Variants in SAMD5 observed in about 807,000 individuals in gnomAD.
SAMD5 encodes sterile alpha motif domain-containing protein 5.
A neutral mutation model predicts 11.3 loss-of-function variants in SAMD5; 13 were observed. The ratio of observed to expected loss-of-function variants is 1.15; its 90% confidence interval spans 0.75 to 1.83. SAMD5 has a LOEUF of 1.83. Among genes scored for constraint, SAMD5 ranks in the 40% most tolerant of loss-of-function variants. The pLI, the probability that SAMD5 is intolerant of heterozygous loss-of-function variation, is 0.00. For missense variants in SAMD5, 255 were observed against 239.1 expected, an observed-to-expected ratio of 1.07 and a Z score of -0.44; for synonymous variants, 129 against 111.3, an observed-to-expected ratio of 1.16 and a Z score of -1.00.
At chr6:147,748,059 A>G in the SAMD5 span, among the ~76,000 whole-genome samples, 6 of 152,308 alleles carry the variant, frequency 3.9e-5, no homozygotes, top group South Asian at 1.2e-3. Context: ...CATCAAGCCA[A>G]AGTTTCTCAC....
the SAMD5 span, among the ~76,000 whole-genome samples, chr6:147,929,296 C>A: frequency 6.6e-6 from 1 of 152,098 alleles, no homozygotes; most frequent in African/African-American, 2.4e-5. Context: ...CAATCATTTC[C>A]ATTGAGTGGA....
At chr6:147,843,151 A>T in the SAMD5 span, among the ~76,000 whole-genome samples, 1 of 152,240 alleles carries the variant, frequency 6.6e-6, no homozygotes, top group Non-Finnish European at 1.5e-5. Context: ...GGCGTGAGCC[A>T]CTGCACCTGG....
the SAMD5 span, among the ~76,000 whole-genome samples, chr6:147,910,962 T>C: frequency 6.6e-6 from 1 of 152,324 alleles, no homozygotes; most frequent in South Asian, 2.1e-4. Flanking sequence ...TTTTCAGGAA[T>C]AGAATACATC....
chr6:147,636,189 A>T (rs1790228204), intron 1 of SAMD5, among the ~76,000 whole-genome samples: 1 of 152,200 alleles, frequency 6.6e-6, no homozygotes, highest in African/African-American at 2.4e-5. Flanking sequence ...GTGCCCTAGC[A>T]GGCCACTGTA....
the SAMD5 span, among the ~76,000 whole-genome samples, chr6:147,950,806 A>G: frequency 6.6e-6 from 1 of 151,942 alleles, no homozygotes; most frequent in South Asian, 2.1e-4. Flanking sequence ...CTCACCCTCA[A>G]TATTGCTCTC....
At chr6:147,518,771 G>A (rs1247585475) in intron 1 of SAMD5, among the ~76,000 whole-genome samples, 1 of 152,160 alleles carries the variant, frequency 6.6e-6, no homozygotes, top group Non-Finnish European at 1.5e-5. Context: ...AATACTACTA[G>A]TATTGAGTTG....
At position 147,568,322 on chromosome 6, in the gene SAMD5, A is replaced by G; in HGVS notation, c.*3866A>G. 1 of 985,366 alleles carries G rather than the reference A, an allele frequency of 1.0e-6. No individual in the cohort carries two copies. Among genetic ancestry groups the G allele is most frequent in the African/African-American group, 1.7e-5 (1 of 57,364 alleles). The allele number at this position is 985,366 out of a possible 1,614,324, so 61.0% of individuals were successfully genotyped here. ...CCCTTATAAGAGCCTGAGTATTGTA[A>G]CAGGTCTCTTGCACAGGGGGTTGAA... On this transcript the variant is annotated 3_prime_UTR_variant, in exon 2 of 2. Coordinates refer to ENST00000367474, the MANE Select transcript of SAMD5 (RefSeq NM_001030060.3).
chr6:147,858,857 C>T, the SAMD5 span, among the ~76,000 whole-genome samples: 1 of 152,194 alleles, frequency 6.6e-6, no homozygotes, highest in Non-Finnish European at 1.5e-5. Context: ...CTACCATGTG[C>T]CACGCACTAT....
At chr6:147,630,570 A>C (rs1290264366) in intron 1 of SAMD5, among the ~76,000 whole-genome samples, 1 of 151,680 alleles carries the variant, frequency 6.6e-6, no homozygotes, top group Non-Finnish European at 1.5e-5. Flanking sequence ...TGCCAGCCAG[A>C]GAGCAACCCC....
the SAMD5 span, among the ~76,000 whole-genome samples, chr6:147,812,431 G>A: frequency 2.0e-4 from 31 of 152,210 alleles, no homozygotes; most frequent in Non-Finnish European, 3.5e-4. Context: ...TTGGGGAGCG[G>A]AAGGGCTCAG....
chr6:147,878,601 ATAT>A, the SAMD5 span, among the ~76,000 whole-genome samples: 1 of 145,560 alleles, frequency 6.9e-6, no homozygotes, highest in East Asian at 2.2e-4. Context: ...ATATACATAT[ATAT>A]CTATATAGAT....
At chr6:147,718,333 A>C (rs1012992809) in intron 1 of SAMD5, among the ~76,000 whole-genome samples, 14 of 152,154 alleles carry the variant, frequency 9.2e-5, no homozygotes, top group African/African-American at 3.4e-4. Flanking sequence ...TTGCACCTGG[A>C]GAATGCGGAT....
At chr6:147,639,424 A>G (rs1790277778) in intron 1 of SAMD5, among the ~76,000 whole-genome samples, 1 of 152,228 alleles carries the variant, frequency 6.6e-6, no homozygotes, top group African/African-American at 2.4e-5. Context: ...CACTTTGTGC[A>G]TAGCTGTGTT....
chr6:147,685,028 T>C (rs937618721), intron 1 of SAMD5, among the ~76,000 whole-genome samples: 4 of 152,230 alleles, frequency 2.6e-5, no homozygotes, highest in Non-Finnish European at 5.9e-5. Flanking sequence ...GTAGTTTGGA[T>C]AGGGCTTGCC....
At chr6:147,892,533 G>A in the SAMD5 span, among the ~76,000 whole-genome samples, 1 of 152,156 alleles carries the variant, frequency 6.6e-6, no homozygotes. Flanking sequence ...GTACATCTAA[G>A]TGTTACATCT....
the SAMD5 span, among the ~76,000 whole-genome samples, chr6:147,769,531 CT>C: frequency 6.6e-6 from 1 of 152,140 alleles, no homozygotes; most frequent in African/African-American, 2.4e-5. Flanking sequence ...TGCTGCCTTA[CT>C]TTTGGAAGAG....
At chr6:147,890,624 G>A in the SAMD5 span, among the ~76,000 whole-genome samples, 1 of 152,110 alleles carries the variant, frequency 6.6e-6, no homozygotes. Flanking sequence ...CTCTCAAAGT[G>A]CTGGGATTAC....
rs142280809 is a variant in SAMD5 at position 147,717,856 on chromosome 6, C to CACAAAACAAA, written c.163-19439_163-19430dup. Among the ~76,000 whole-genome samples the CACAAAACAAA allele has an allele frequency of 2.7e-3, 408 of 151,020 alleles. 3 individuals carry two copies. The highest frequency in any genetic ancestry group is 9.2e-3 in the African/African-American group (375 of 40,748). ...ACAGAGCAAAACTCTGTCTCAAAAA[C>CACAAAACAAA]ACAAAACAAAACAAAACAAAACAAA... On this transcript the variant is annotated intron_variant, in intron 1 of 1. Coordinates refer to the SAMD5 transcript ENST00000566741.
At chr6:147,640,055 C>A (rs907406571) in intron 1 of SAMD5, among the ~76,000 whole-genome samples, 1 of 152,164 alleles carries the variant, frequency 6.6e-6, no homozygotes, top group African/African-American at 2.4e-5. Context: ...CGGCTGGGCG[C>A]GGTGGCTCAT....
Sources: gnomAD v4.1 joint callset for allele counts (sites outside exome capture counted in the v4.1 genomes callset) on GRCh38, gnomAD v4.1.1 for gene constraint, MANE v1.5 for transcripts, NCBI Gene and HGNC (gene_info 2026-07-23, HGNC 2026-07-21) for gene names.